Variants in ENTPD6 observed in about 807,000 individuals in gnomAD.
ENTPD6 encodes CD39 antigen-like 2.
ENTPD6 carries 46 observed loss-of-function variants against 61.5 expected under a neutral mutation model. The observed-to-expected ratio is 0.75, with a 90% CI of 0.59 to 0.96. ENTPD6 has a LOEUF of 0.96. Among genes scored for constraint, ENTPD6 ranks in the 40% least tolerant of loss-of-function variants. The pLI is 0.00. For missense variants in ENTPD6, 612 were observed against 629.0 expected (o/e 0.97, Z 0.29); for synonymous variants, 252 against 255.5 (o/e 0.99, Z 0.13).
intron 1 of ENTPD6, among the ~76,000 whole-genome samples, chr20:25,197,534 C>T (rs997444334): frequency 1.5e-4 from 23 of 152,246 alleles, no homozygotes; most frequent in African/African-American, 5.5e-4. Context: ...AACACATTCA[C>T]GCTGTGGTGT....
intron 5 of ENTPD6, 54 bp downstream of exon 5, chr20:25,213,460 A>G: frequency 6.6e-7 from 1 of 1,525,156 alleles, no homozygotes; most frequent in Non-Finnish European, 8.8e-7. Flanking sequence ...GCAACTGATG[A>G]CTGAAAACAA....
Position 25,213,472 on chromosome 20 carries a change from T to G in ENTPD6, c.597+66T>G, listed in dbSNP as rs2092116765. ...GGGGCAACTGATGACTGAAAACAAC[T>G]GCTGTCTCACCAGTGCCGCACCATC... On this transcript the variant is annotated intron_variant, in intron 5 of 14. Coordinates refer to ENST00000376652, the MANE Select transcript of ENTPD6 (RefSeq NM_001247.5). The G allele has an allele frequency of 5.3e-6, 8 of 1,510,790 alleles. No homozygotes were observed. The East Asian group carries it at 1.8e-4, about 34-fold the overall frequency. 93.6% of individuals were successfully genotyped at this position (1,510,790 alleles called of 1,614,324 possible). A position where few individuals can be genotyped will look rare whatever the true frequency, so the allele number is the denominator to read the frequency against.
chr20:25,203,428 C>G lies in ENTPD6; in HGVS notation c.-15-3094C>G, dbSNP rs116727271. Reference sequence around the variant, plus strand: ...TGCATGGTGCACGTGAGGGAGGCCCCTAAGTCCCTGAGGCTCTGCTCACTT... The same window carrying G: ...TGCATGGTGCACGTGAGGGAGGCCCGTAAGTCCCTGAGGCTCTGCTCACTT... On this transcript the variant is annotated intron_variant, in intron 1 of 14. Coordinates refer to ENST00000376652, the MANE Select transcript of ENTPD6 (RefSeq NM_001247.5). 2.7e-3 allele frequency among the ~76,000 whole-genome samples: 415 copies of G among 152,342 alleles called. 2 individuals carry two copies. The highest frequency in any genetic ancestry group is 9.5e-3 in the African/African-American group (394 of 41,586).
chr20:25,222,752 C>G, intron 11 of ENTPD6, 86 bp from the exon 12 acceptor site: 1 of 1,544,232 alleles, frequency 6.5e-7, no homozygotes, highest in Non-Finnish European at 8.7e-7. Context: ...AGGTCAGAGT[C>G]TCAAGTCCCC....
intron 4 of ENTPD6, among the ~76,000 whole-genome samples, chr20:25,211,312 T>C (rs2091944272): frequency 6.6e-6 from 1 of 152,222 alleles, no homozygotes; most frequent in Non-Finnish European, 1.5e-5. Flanking sequence ...CCTGATTAAA[T>C]TAGATAAATT....
intron 6 of ENTPD6, 102 bp from the exon 7 acceptor site, chr20:25,215,574 C>G: frequency 2.4e-6 from 3 of 1,229,320 alleles, no homozygotes; most frequent in Non-Finnish European, 3.6e-6. Context: ...GAAGTGATCC[C>G]TTTATGCTCC....
At chr20:25,225,148 C>G in intron 13 of ENTPD6, 57 bp from the exon 14 acceptor site, 1 of 1,562,856 alleles carries the variant, frequency 6.4e-7, no homozygotes, top group Non-Finnish European at 8.7e-7. Context: ...CTGCACTTGC[C>G]CCTCCGCCCC....
At chr20:25,197,510 G>A (rs2090579315) in intron 1 of ENTPD6, among the ~76,000 whole-genome samples, 1 of 152,192 alleles carries the variant, frequency 6.6e-6, no homozygotes, top group Non-Finnish European at 1.5e-5. Context: ...GAGTCTGTCA[G>A]GGAGAACCTG....
intron 5 of ENTPD6, among the ~76,000 whole-genome samples, chr20:25,214,444 G>C (rs2092192459): frequency 6.6e-6 from 1 of 152,248 alleles, no homozygotes; most frequent in Non-Finnish European, 1.5e-5. Flanking sequence ...AGTGTTTGGA[G>C]CCCAGCAGGC....
At chr20:25,209,121 T>A (rs1264054728) in intron 3 of ENTPD6, among the ~76,000 whole-genome samples, 13 of 150,202 alleles carry the variant, frequency 8.7e-5, no homozygotes, top group Non-Finnish European at 1.9e-4. Flanking sequence ...TTTAATTTTT[T>A]TTTTTTGAGA....
At chr20:25,197,394 C>T (rs1315261955) in intron 1 of ENTPD6, among the ~76,000 whole-genome samples, 1 of 152,152 alleles carries the variant, frequency 6.6e-6, no homozygotes, top group Admixed American at 6.5e-5. Context: ...CACCCTACTT[C>T]CTACCCCTGC....
chr20:25,204,357 C>T (rs867413248), intron 1 of ENTPD6, among the ~76,000 whole-genome samples: 105 of 152,174 alleles, frequency 6.9e-4, no homozygotes, highest in African/African-American at 2.5e-3. Context: ...TCTGAATTAT[C>T]GAATTTTGAT....
intron 1 of ENTPD6, 114 bp downstream of exon 1, chr20:25,195,981 C>G (rs1164849132): frequency 1.1e-6 from 1 of 948,012 alleles, no homozygotes; most frequent in Non-Finnish European, 1.4e-6. Context: ...TCACTCGCAC[C>G]CCGGGTCCCA....
intron 1 of ENTPD6, among the ~76,000 whole-genome samples, chr20:25,199,445 AT>A (rs1246230791): frequency 6.6e-6 from 1 of 152,198 alleles, no homozygotes; most frequent in Non-Finnish European, 1.5e-5. Flanking sequence ...CACAGAACTT[AT>A]TTCTGTTACC....
At chr20:25,220,784 G>A (rs570734055) in intron 10 of ENTPD6, among the ~76,000 whole-genome samples, 61 of 152,350 alleles carry the variant, frequency 4.0e-4, no homozygotes, top group Admixed American at 3.9e-4. Flanking sequence ...GGACCAATAC[G>A]CTTCCTTTGC....
intron 4 of ENTPD6, among the ~76,000 whole-genome samples, chr20:25,212,377 C>T (rs1297511936): frequency 6.6e-6 from 1 of 152,152 alleles, no homozygotes; most frequent in Non-Finnish European, 1.5e-5. Flanking sequence ...TGAGATCGCC[C>T]GTGAGGATTG....
intron 1 of ENTPD6, among the ~76,000 whole-genome samples, chr20:25,204,773 C>T (rs971739860): frequency 2.6e-5 from 4 of 152,152 alleles, no homozygotes; most frequent in Admixed American, 6.5e-5. Flanking sequence ...ACCGGGCTGC[C>T]GCATTCATCA....
chr20:25,200,210 A>G (rs1441967491), intron 1 of ENTPD6, among the ~76,000 whole-genome samples: 1 of 152,246 alleles, frequency 6.6e-6, no homozygotes, highest in Non-Finnish European at 1.5e-5. Context: ...GCATTTTGCT[A>G]ACGATTCATG....
chr20:25,221,748 C>T, intron 11 of ENTPD6: 1 of 324,602 alleles, frequency 3.1e-6, no homozygotes, highest in Non-Finnish European at 6.0e-6. Flanking sequence ...TGGCCCTGGG[C>T]AGGCTCTAGT....
Sources: allele counts gnomAD v4.1 joint callset (sites outside exome capture counted in the v4.1 genomes callset), GRCh38; gene constraint gnomAD v4.1.1; transcripts MANE v1.5; gene names NCBI Gene and HGNC (gene_info 2026-07-23, HGNC 2026-07-21).